FAM3C: variants seen among roughly 807,000 people sequenced by gnomAD.
The protein encoded by FAM3C is FAM3 metabolism regulating signaling molecule C.
A neutral mutation model predicts 32.5 loss-of-function variants in FAM3C; 15 were observed. The observed-to-expected ratio is 0.46, with a 90% CI of 0.31 to 0.71. The LOEUF (loss-of-function observed/expected upper bound fraction) is 0.71, where lower values mean the gene tolerates loss of function less well. FAM3C is among the 30% of genes least tolerant of loss of function. The probability of loss-of-function intolerance (pLI) is 0.05; values close to 1 mark genes in which losing one functional copy is unlikely to be tolerated. For synonymous variants in FAM3C, 75 were observed against 86.1 expected (o/e 0.87, Z 0.72); for missense variants, 175 against 274.4 (o/e 0.64, Z 2.56).
chr7:121,352,071 A>G (rs1793717739), intron 8 of FAM3C, among the ~76,000 whole-genome samples: 1 of 152,188 alleles, frequency 6.6e-6, no homozygotes, highest in South Asian at 2.1e-4. Context: ...TTTGGCATTG[A>G]GTCCTATATA....
intron 2 of FAM3C, among the ~76,000 whole-genome samples, chr7:121,382,537 TAC>T (rs1402670629): frequency 1.4e-5 from 2 of 145,992 alleles, no homozygotes; most frequent in Non-Finnish European, 1.5e-5. Flanking sequence ...GGGCATTATA[TAC>T]AGTCTTTAGG....
At chr7:121,393,106 A>G (rs933463639) in intron 1 of FAM3C, among the ~76,000 whole-genome samples, 2 of 152,296 alleles carry the variant, frequency 1.3e-5, no homozygotes, top group Middle Eastern at 6.8e-3. Context: ...GGTGATGAAA[A>G]TGTTTTAGAA....
At chr7:121,391,473 G>A (rs145290201) in intron 1 of FAM3C, among the ~76,000 whole-genome samples, 30 of 152,302 alleles carry the variant, frequency 2.0e-4, no homozygotes, top group Middle Eastern at 3.4e-3. Context: ...AATGAGATTA[G>A]AGAAAGGTAC....
chr7:121,380,733 T>TTACATATATATATATATATATA (rs1794332620), intron 2 of FAM3C, among the ~76,000 whole-genome samples: 1 of 133,982 alleles, frequency 7.5e-6, no homozygotes, highest in Admixed American at 7.4e-5. Context: ...TACAAACATT[T>TTACATATATATATATATATATA]TATATATATA....
intron 1 of FAM3C, among the ~76,000 whole-genome samples, chr7:121,393,051 G>A (rs1337010634): frequency 6.6e-6 from 1 of 152,210 alleles, no homozygotes; most frequent in East Asian, 1.9e-4. Context: ...TTGGCAGGGA[G>A]AAGGGAATGA....
At chr7:121,379,508 T>C (rs890347329) in intron 2 of FAM3C, among the ~76,000 whole-genome samples, 1 of 152,172 alleles carries the variant, frequency 6.6e-6, no homozygotes, top group Admixed American at 6.5e-5. Flanking sequence ...ACACATCTCC[T>C]GGAGCTACAT....
intron 1 of FAM3C, among the ~76,000 whole-genome samples, chr7:121,388,528 T>G (rs1794512389): frequency 6.6e-6 from 1 of 152,136 alleles, no homozygotes; most frequent in East Asian, 1.9e-4. Flanking sequence ...CCACTCCTTC[T>G]GCAAAGTGTC....
chr7:121,350,378 A>T lies in FAM3C; in HGVS notation c.*83T>A. ...ACACCAAGATGGCTGCATGCTCTTA[A>T]AATATTTACACATAGCTCTGCCATT... On this transcript the variant is annotated 3_prime_UTR_variant, in exon 10 of 10. Transcript: ENST00000359943. The T allele has an allele frequency of 6.3e-7, 1 of 1,597,030 alleles. No individual in the cohort carries two copies.
chr7:121,358,912 C>T (rs2536171), intron 8 of FAM3C, among the ~76,000 whole-genome samples: 13,696 of 151,440 alleles, frequency 0.09, 2,107 homozygotes, highest in African/African-American at 0.31. Flanking sequence ...ATCCTTAAAA[C>T]GTGAAGGGGT....
At chr7:121,393,419 C>T (rs903639042) in intron 1 of FAM3C, among the ~76,000 whole-genome samples, 3 of 152,020 alleles carry the variant, frequency 2.0e-5, no homozygotes, top group Non-Finnish European at 4.4e-5. Flanking sequence ...GTCTGCAGAA[C>T]AGTGGGGTAC....
chr7:121,373,227 C>T (rs1179547997), intron 3 of FAM3C, among the ~76,000 whole-genome samples: 6 of 150,530 alleles, frequency 4.0e-5, no homozygotes, highest in Admixed American at 3.9e-4. Context: ...AACATCACCT[C>T]CATTTAATTT....
Position 121,371,378 on chromosome 7 carries a change from G to A in FAM3C, c.194C>T (p.Pro65Leu), listed in dbSNP as rs1242916435. 1.2e-6 allele frequency: 2 copies of A among 1,613,876 alleles called. No individual in the cohort carries two copies. Among genetic ancestry groups the A allele is most frequent in the East Asian group, 2.2e-5 (1 of 44,872 alleles). Residue 65 changes from proline (P) to leucine (L), a missense_variant, in exon 5 of 10, where the codon CCT (proline) becomes CTT (leucine). Physicochemically the swap from Pro to Leu is moderately conservative, Grantham distance 98 (BLOSUM62 -3). Transcript: ENST00000359943. ...RYKCGISKAC[P>L]EKHFAFKMAS... ...CATTTTAAAAGCAAAATGCTTCTCA[G>A]GGCAAGCTTTTGAGATCCCACACTT... is the stretch of plus-strand genomic sequence containing the variant.
chr7:121,351,961 C>T (rs1187905457), intron 8 of FAM3C, among the ~76,000 whole-genome samples: 1 of 152,086 alleles, frequency 6.6e-6, no homozygotes, highest in Non-Finnish European at 1.5e-5. Flanking sequence ...GATTTTCTCT[C>T]CTTTATCTCT....
chr7:121,377,121 G>A (rs185591953), intron 3 of FAM3C, among the ~76,000 whole-genome samples: 1 of 152,192 alleles, frequency 6.6e-6, no homozygotes, highest in Admixed American at 6.5e-5. Flanking sequence ...TCTCATGATA[G>A]TGAGTTCTCA....
chr7:121,369,349 T>C (rs930409117), intron 5 of FAM3C, among the ~76,000 whole-genome samples: 1 of 152,148 alleles, frequency 6.6e-6, no homozygotes, highest in African/African-American at 2.4e-5. Flanking sequence ...GTAAGTTCCA[T>C]GACAGGAGGG....
At chr7:121,352,786 C>T (rs1793730758) in intron 8 of FAM3C, among the ~76,000 whole-genome samples, 1 of 152,198 alleles carries the variant, frequency 6.6e-6, no homozygotes, top group East Asian at 1.9e-4. Context: ...TCACCTGAAC[C>T]TTGTTTTCTT....
intron 8 of FAM3C, among the ~76,000 whole-genome samples, chr7:121,353,750 T>C (rs546897341): frequency 2.0e-4 from 31 of 152,350 alleles, no homozygotes; most frequent in African/African-American, 7.5e-4. Flanking sequence ...TTCCCATGTG[T>C]TGTCCTAACT....
chr7:121,361,876 G>A (rs1182965651), intron 7 of FAM3C, among the ~76,000 whole-genome samples: 2 of 152,030 alleles, frequency 1.3e-5, no homozygotes, highest in Admixed American at 6.5e-5. Flanking sequence ...ACGGGGTTTC[G>A]CTGTGTTAGC....
intron 3 of FAM3C, among the ~76,000 whole-genome samples, chr7:121,372,631 T>C (rs572129935): frequency 6.6e-6 from 1 of 152,312 alleles, no homozygotes; most frequent in South Asian, 2.1e-4. Context: ...CTAAAAGATT[T>C]ACAATTTATC....
Sources: gnomAD v4.1 joint callset for allele counts (sites outside exome capture counted in the v4.1 genomes callset) on GRCh38, gnomAD v4.1.1 for gene constraint, MANE v1.5 for transcripts, NCBI Gene and HGNC (gene_info 2026-07-23, HGNC 2026-07-21) for gene names.